Variants in CHIC1 observed in about 807,000 individuals in gnomAD.
The protein encoded by CHIC1 is cysteine-rich hydrophobic domain-containing protein 1.
In CHIC1, 7 loss-of-function variants were observed where a neutral mutation model predicts 18.5. That is an observed-to-expected ratio of 0.38 (90% CI 0.22 to 0.71). The LOEUF (loss-of-function observed/expected upper bound fraction) is 0.71, where lower values mean the gene tolerates loss of function less well. Among genes scored for constraint, CHIC1 ranks in the 30% least tolerant of loss-of-function variants. The pLI is 0.49. For synonymous variants in CHIC1, 77 were observed against 73.5 expected (o/e 1.05, Z -0.25); for missense variants, 159 against 176.9 (o/e 0.90, Z 0.57).
intron 3 of CHIC1, among the ~76,000 whole-genome samples, chrX:73,598,504 C>G (rs2057623435): frequency 1.2e-5 from 1 of 85,367 alleles, no homozygotes; most frequent in Admixed American, 1.4e-4. Flanking sequence ...ACCACAGTCC[C>G]CAGAGTGTGA....
intron 3 of CHIC1, among the ~76,000 whole-genome samples, chrX:73,673,762 C>CT (rs1309586138): frequency 9.0e-6 from 1 of 111,516 alleles, no homozygotes; most frequent in African/African-American, 3.3e-5. Flanking sequence ...ACTAATTGCC[C>CT]TGGCCAGAAC....
In CHIC1 at chrX:73,682,440, G is replaced by T. The variant is rs377679492; in HGVS notation, c.*1435G>T. The T allele has an allele frequency of 1.8e-5, 2 of 110,979 alleles. No homozygotes were observed. The highest frequency in any genetic ancestry group is 2.8e-4 in the East Asian group (1 of 3,523). The allele number at this position is 110,979 out of a possible 1,213,427, so 9.1% of individuals were successfully genotyped here. The stretch of plus-strand genomic sequence containing the variant: ...TAGTGCTAAAAATAAAAGTGTCTAG[G>T]GCTCAGTAATATTTTGTCATCTTAC... On this transcript the variant is annotated 3_prime_UTR_variant, in exon 6 of 6. Transcript: ENST00000373502.
chrX:73,620,175 T>C (rs1422486458), intron 3 of CHIC1, among the ~76,000 whole-genome samples: 3 of 112,141 alleles, frequency 2.7e-5, no homozygotes, highest in African/African-American at 9.7e-5. Flanking sequence ...TACACGTGCA[T>C]GTGTCTTTAG....
intron 3 of CHIC1, among the ~76,000 whole-genome samples, chrX:73,625,673 C>T (rs1400392463): frequency 1.8e-5 from 2 of 111,204 alleles, no homozygotes; most frequent in African/African-American, 6.5e-5. Context: ...AGTTAACATC[C>T]CATAGTGTCA....
intron 2 of CHIC1, among the ~76,000 whole-genome samples, 165 bp downstream of exon 2, chrX:73,577,626 C>T (rs2057506396): frequency 9.0e-6 from 1 of 110,783 alleles, no homozygotes; most frequent in African/African-American, 3.3e-5. Context: ...GCCATGGCTA[C>T]CAGCCTCTGA....
intron 3 of CHIC1, among the ~76,000 whole-genome samples, chrX:73,647,776 C>T (rs766744741): frequency 1.1e-4 from 12 of 112,557 alleles, no homozygotes; most frequent in Admixed American, 3.7e-4. Flanking sequence ...CAGACTTAGC[C>T]TTTCCTCCTG....
At position 73,682,693 on chromosome X, in the gene CHIC1, C is replaced by T. The variant is rs964023919; in HGVS notation, c.*1688C>T. On this transcript the variant is annotated 3_prime_UTR_variant, in exon 6 of 6. Transcript: ENST00000373502. ...TTCCACCTTCCTCTGTGCCCCATTA[C>T]CTCTGTGCCACTCAGTCACCCCAAA... 1 of 111,842 alleles carries T rather than the reference C, an allele frequency of 8.9e-6. No individual in the cohort carries two copies. The highest frequency in any genetic ancestry group is 3.2e-5 in the African/African-American group (1 of 30,827). The allele number at this position is 111,842 out of a possible 1,213,427, so 9.2% of individuals were successfully genotyped here.
intron 3 of CHIC1, among the ~76,000 whole-genome samples, chrX:73,653,883 A>G (rs2057929853): frequency 8.9e-6 from 1 of 112,559 alleles, no homozygotes; most frequent in South Asian, 3.6e-4. Flanking sequence ...TAGATATGCT[A>G]CTGACATTCA....
At chrX:73,661,528 C>G (rs1310319930) in intron 3 of CHIC1, among the ~76,000 whole-genome samples, 1 of 111,747 alleles carries the variant, frequency 8.9e-6, no homozygotes, top group Non-Finnish European at 1.9e-5. Context: ...GATGTCATAA[C>G]TTGTAAGTCT....
rs1291183858 is a variant in CHIC1 at position 73,563,426 on chromosome X, G to A, written c.142G>A (p.Glu48Lys). The A allele has an allele frequency of 1.7e-6, 2 of 1,146,341 alleles. No individual in the cohort carries two copies. The highest frequency in any genetic ancestry group is 3.3e-5 in the East Asian group (1 of 30,262). 94.5% of individuals were successfully genotyped at this position (1,146,341 alleles called of 1,213,427 possible). ...VSGPDDDEEDEEEEEEEEEEE... is the reference protein window; with the variant it reads ...VSGPDDDEEDKEEEEEEEEEE... ...TGGGCCCGACGATGACGAGGAGGAT[G>A]AGGAGGAAGAGGAGGAAGAGGAGGA... is the stretch of plus-strand genomic sequence containing the variant. The change falls in exon 1 of 6, where the codon GAG (glutamate) becomes AAG (lysine). Residue 48 changes from glutamate (E) to lysine (K), a missense_variant. Coordinates refer to ENST00000373502, the MANE Select transcript of CHIC1 (RefSeq NM_001039840.4).
Position 73,685,521 on chromosome X carries a change from G to T in CHIC1, c.*4516G>T, listed in dbSNP as rs1215204267. ...TGGAACAAATTGATAAAATTAGGTG[G>T]AAAGGAAAGTGGTATGGGACTCAAA... On this transcript the variant is annotated 3_prime_UTR_variant, in exon 6 of 6. Coordinates refer to ENST00000373502, the MANE Select transcript of CHIC1 (RefSeq NM_001039840.4). The T allele has an allele frequency of 3.6e-5, 4 of 111,506 alleles. No homozygotes were observed. In the Admixed American group the frequency reaches 3.8e-4, roughly 11 times the overall value. 9.2% of individuals were successfully genotyped at this position (111,506 alleles called of 1,213,427 possible).
chrX:73,578,767 G>C (rs1446277755), intron 2 of CHIC1: 1 of 110,552 alleles, frequency 9.0e-6, no homozygotes, highest in African/African-American at 3.3e-5. Context: ...GAAGAGGAAT[G>C]TGATGGATAG....
At chrX:73,581,408 T>C (rs1458920828) in intron 2 of CHIC1, among the ~76,000 whole-genome samples, 1 of 111,241 alleles carries the variant, frequency 9.0e-6, no homozygotes, top group Non-Finnish European at 1.9e-5. Context: ...TCTTCTGCTG[T>C]CTAACCTTCA....
chrX:73,584,235 C>CTTGAAA (rs1457086800), intron 2 of CHIC1, among the ~76,000 whole-genome samples, 182 bp from the exon 3 acceptor site: 3 of 109,237 alleles, frequency 2.7e-5, no homozygotes, highest in Non-Finnish European at 3.8e-5. Flanking sequence ...GTTCTATGAA[C>CTTGAAA]TTGAAATTAT....
At chrX:73,595,882 T>A (rs773309130) in intron 3 of CHIC1, among the ~76,000 whole-genome samples, 2 of 111,724 alleles carry the variant, frequency 1.8e-5, no homozygotes, top group South Asian at 7.6e-4. Flanking sequence ...TGGAGTGACA[T>A]GGTATCTCAT....
chrX:73,607,324 C>T (rs945671895), intron 3 of CHIC1, among the ~76,000 whole-genome samples: 4 of 107,716 alleles, frequency 3.7e-5, no homozygotes, highest in African/African-American at 1.5e-4. Context: ...TGGTGGATGC[C>T]CCTTCCCCCA....
chrX:73,658,248 GTTTTTTTTTTTTT>G (rs869309622), intron 3 of CHIC1, among the ~76,000 whole-genome samples: 2 of 16,716 alleles, frequency 1.2e-4, no homozygotes, highest in African/African-American at 4.6e-4. Flanking sequence ...CTGGTCCTAG[GTTTTTTTTTTTTT>G]TTTTTTTTTT....
chrX:73,666,729 T>C (rs1019897894), intron 3 of CHIC1, among the ~76,000 whole-genome samples: 1 of 112,461 alleles, frequency 8.9e-6, no homozygotes, highest in Admixed American at 9.4e-5. Flanking sequence ...GAGACTATTA[T>C]GATTTCTGTT....
intron 3 of CHIC1, among the ~76,000 whole-genome samples, chrX:73,585,711 G>T (rs1204839593): frequency 1.8e-5 from 2 of 110,999 alleles, no homozygotes; most frequent in Non-Finnish European, 3.8e-5. Context: ...AGATTTTTTT[G>T]TTTGTTTGTT....
Sources: gnomAD v4.1 joint callset for allele counts (sites outside exome capture counted in the v4.1 genomes callset) on GRCh38, gnomAD v4.1.1 for gene constraint, MANE v1.5 for transcripts, NCBI Gene and HGNC (gene_info 2026-07-23, HGNC 2026-07-21) for gene names.